The following NCR3LG1 variants were observed in gnomAD, a reference collection of about 807,000 sequenced individuals.
The protein encoded by NCR3LG1 is natural killer cell cytotoxicity receptor 3 ligand 1.
A neutral mutation model predicts 34.8 loss-of-function variants in NCR3LG1; 35 were observed. The ratio of observed to expected loss-of-function variants is 1.01; its 90% CI spans 0.77 to 1.33. The LOEUF is 1.33. Ranked by LOEUF, NCR3LG1 falls within the 40% of genes most tolerant of loss-of-function variation. The probability of loss-of-function intolerance (pLI) is 0.00; values close to 1 mark genes in which losing one functional copy is unlikely to be tolerated. For missense variants in NCR3LG1, 452 were observed against 423.3 expected (o/e 1.07, Z -0.60); for synonymous variants, 173 against 163.6 (o/e 1.06, Z -0.44).
At position 17,375,725 on chromosome 11, in the gene NCR3LG1, C is replaced by T. The variant is rs926324419; in HGVS notation, c.*3213C>T. 2.0e-5 allele frequency: 3 copies of T among 152,126 alleles called. No homozygotes were observed. The highest frequency in any genetic ancestry group is 1.9e-4 in the East Asian group (1 of 5,198). 9.4% of individuals were successfully genotyped at this position (152,126 alleles called of 1,614,324 possible). A position where few individuals can be genotyped will look rare whatever the true frequency, so the allele number is the denominator to read the frequency against. ...CATCAGAAGCGGGTAGATGAAATAGCGAAAGGAAACAGGCTAGCAGACCAA... is the reference window on the plus strand; with the variant it reads ...CATCAGAAGCGGGTAGATGAAATAGTGAAAGGAAACAGGCTAGCAGACCAA... On this transcript the variant is annotated 3_prime_UTR_variant, in exon 5 of 5. Transcript: ENST00000338965.
chr11:17,358,286 T>A (rs1309380696), intron 2 of NCR3LG1, among the ~76,000 whole-genome samples: 3 of 152,226 alleles, frequency 2.0e-5, no homozygotes, highest in Non-Finnish European at 4.4e-5. Context: ...TGCATTTAAT[T>A]GTTATATGTT....
intron 4 of NCR3LG1, 108 bp from the exon 5 acceptor site, chr11:17,371,898 G>A (rs1953409451): frequency 6.6e-6 from 4 of 607,326 alleles, no homozygotes; most frequent in South Asian, 6.0e-5. Context: ...TGAGGAAATG[G>A]GAGGGAAGAG....
intron 1 of NCR3LG1, among the ~76,000 whole-genome samples, chr11:17,355,089 A>C (rs1454619371): frequency 6.6e-6 from 1 of 152,206 alleles, no homozygotes; most frequent in African/African-American, 2.4e-5. Flanking sequence ...ACTTGCTAGC[A>C]ACCTACTGTT....
intron 2 of NCR3LG1, among the ~76,000 whole-genome samples, chr11:17,361,645 A>G (rs1162501916): frequency 1.3e-5 from 2 of 152,218 alleles, no homozygotes; most frequent in East Asian, 3.9e-4. Context: ...CTGTCAAATA[A>G]TTGATTTTTG....
chr11:17,372,077 T>C lies in NCR3LG1; in HGVS notation c.930T>C (p.Thr310=), dbSNP rs1034187891. ...TGAAACACTGGAACTCCTTTGACAC[T>C]CAGACTCTGAAGAAAGAGCACCTCA... The part of the protein sequence containing the change: ...CILKHWNSFD[T]QTLKKEHLIF... The change falls in exon 5 of 5, where the codon ACT becomes ACC. Residue 310 remains threonine (T), a synonymous_variant. Coordinates refer to ENST00000338965, the MANE Select transcript of NCR3LG1 (RefSeq NM_001202439.3). The C allele has an allele frequency of 1.4e-5, 10 of 702,830 alleles. No homozygotes were observed. Among genetic ancestry groups the C allele is most frequent in the Non-Finnish European group, 2.3e-5 (9 of 384,996 alleles). The allele number at this position is 702,830 out of a possible 1,614,324, so 43.5% of individuals were successfully genotyped here.
At chr11:17,362,337 A>G (rs1953277885) in intron 2 of NCR3LG1, among the ~76,000 whole-genome samples, 1 of 152,136 alleles carries the variant, frequency 6.6e-6, no homozygotes, top group African/African-American at 2.4e-5. Context: ...TATGGTATGT[A>G]ATTTTTTCTG....
At chr11:17,357,768 A>G (rs1457160561) in intron 2 of NCR3LG1, among the ~76,000 whole-genome samples, 1 of 152,012 alleles carries the variant, frequency 6.6e-6, no homozygotes, top group Non-Finnish European at 1.5e-5. Context: ...AGAGCATGGC[A>G]CAATCATAGC....
chr11:17,377,186 C>G lies in NCR3LG1; in HGVS notation c.*4674C>G, dbSNP rs1953485173. On this transcript the variant is annotated 3_prime_UTR_variant, in exon 5 of 5. Transcript: ENST00000338965. The stretch of plus-strand genomic sequence containing the variant: ...ATATCGTGTCCCTGGTCTTTTGAAA[C>G]TCCATTTGTCGGCCAGGTGTGGTGG... 1 of 152,026 alleles carries G rather than the reference C, an allele frequency of 6.6e-6. No homozygotes were observed. Among genetic ancestry groups the G allele is most frequent in the African/African-American group, 2.4e-5 (1 of 41,380 alleles). 9.4% of individuals were successfully genotyped at this position (152,026 alleles called of 1,614,324 possible).
downstream of NCR3LG1, among the ~76,000 whole-genome samples, chr11:17,377,915 T>C (rs1953491673): frequency 6.6e-6 from 1 of 152,186 alleles, no homozygotes; most frequent in Admixed American, 6.5e-5. Context: ...ATCATTTCCA[T>C]GCCCTCATAT....
intron 2 of NCR3LG1, among the ~76,000 whole-genome samples, chr11:17,362,813 TCTTTCTTC>T (rs1310113235): frequency 6.7e-5 from 10 of 148,876 alleles, no homozygotes; most frequent in Non-Finnish European, 1.0e-4. Flanking sequence ...TTTCTTTCTT[TCTTTCTTC>T]CTTTCTTCCT....
In NCR3LG1 at chr11:17,361,624, A is replaced by G. The variant is rs1479310139; in HGVS notation, c.421+4623A>G. ...TTTAATTTCAAATTCCAGTTGCTCAATTGTTCATTCCTGTCAAATAATTGA... is the reference window on the plus strand; with the variant it reads ...TTTAATTTCAAATTCCAGTTGCTCAGTTGTTCATTCCTGTCAAATAATTGA... On this transcript the variant is annotated intron_variant, in intron 2 of 4. Transcript: ENST00000338965. Among the ~76,000 whole-genome samples, 11 of 151,698 alleles carry G rather than the reference A, an allele frequency of 7.3e-5. No individual in the cohort carries two copies. The East Asian group carries it at 1.4e-3, about 19-fold the overall frequency.
At position 17,368,939 on chromosome 11, in the gene NCR3LG1, TA is replaced by T. The variant is rs1367946275; in HGVS notation, c.835del (p.Ile279LeufsTer3). The T allele has an allele frequency of 4.6e-6, 7 of 1,533,954 alleles. No individual in the cohort carries two copies. The highest frequency in any genetic ancestry group is 6.1e-6 in the Non-Finnish European group (7 of 1,145,098). On this transcript the variant is annotated frameshift_variant, in exon 4 of 5. Transcript: ENST00000338965. LOFTEE classifies it high-confidence loss of function. ...TTCATTGGTGTTGGACTGGTTTTAT[TA>T]ATTGTTTTGATTCCTTGGAAAAAGG... ...ISFIGVGLVLLIVLIPWKKIC... is the reference protein window; with the variant it reads ...ISFIGVGLVLXIVLIPWKKIC...
In NCR3LG1 at chr11:17,351,968, C is replaced by G. The variant is rs957947269; in HGVS notation, c.-2C>G. On this transcript the variant is annotated 5_prime_UTR_variant, in exon 1 of 5. Transcript: ENST00000338965. Reference sequence around the variant, plus strand: ...AAAAATTACACAACAGCAGCCGCGGCGATGACGTGGAGGGCTGCCGCCTCC... The same window carrying G: ...AAAAATTACACAACAGCAGCCGCGGGGATGACGTGGAGGGCTGCCGCCTCC... 8.0e-6 allele frequency: 12 copies of G among 1,509,040 alleles called. No individual in the cohort carries two copies. In the African/African-American group the frequency reaches 1.1e-4, roughly 14 times the overall value. 93.5% of individuals were successfully genotyped at this position (1,509,040 alleles called of 1,614,324 possible). A position where few individuals can be genotyped will look rare whatever the true frequency, so the allele number is the denominator to read the frequency against.
chr11:17,352,039 G>C lies in NCR3LG1; in HGVS notation c.70G>C (p.Gly24Arg), dbSNP rs1953141583. ...LILLWALTTEGDLKVEMMAGG... is the reference protein window; with the variant it reads ...LILLWALTTERDLKVEMMAGG... ...TCTGCTGTGGGCGCTGACGACCGAA[G>C]GTAGGGGGCGGCTGGGGTGGGCTGG... is the stretch of plus-strand genomic sequence containing the variant. Residue 24 changes from glycine (G) to arginine (R), a missense_variant and splice_region_variant, in exon 1 of 5, where the codon GGT becomes CGT. Coordinates refer to ENST00000338965, the MANE Select transcript of NCR3LG1 (RefSeq NM_001202439.3). The C allele has an allele frequency of 6.8e-7, 1 of 1,480,540 alleles. No individual in the cohort carries two copies. The highest frequency in any genetic ancestry group is 1.2e-5 in the South Asian group (1 of 81,852). The allele number at this position is 1,480,540 out of a possible 1,614,324, so 91.7% of individuals were successfully genotyped here. A position where few individuals can be genotyped will look rare whatever the true frequency, so the allele number is the denominator to read the frequency against.
At chr11:17,371,813 G>C (rs1311780060) in intron 4 of NCR3LG1, among the ~76,000 whole-genome samples, 193 bp from the exon 5 acceptor site, 2 of 152,192 alleles carry the variant, frequency 1.3e-5, no homozygotes, top group Admixed American at 1.3e-4. Flanking sequence ...GTGAGCACAA[G>C]CTAGCTCCTC....
rs968172337 is a variant in NCR3LG1 at position 17,362,201 on chromosome 11, A to G, written c.422-4808A>G. 2.0e-5 allele frequency among the ~76,000 whole-genome samples: 3 copies of G among 152,294 alleles called. No homozygotes were observed. In the East Asian group the frequency reaches 5.8e-4, roughly 29 times the overall value. ...ATGAATCAGTCTTGGGTTTTGTCAA[A>G]TACTTTTTCTGCATTATTGGTATGA... On this transcript the variant is annotated intron_variant, in intron 2 of 4. Transcript: ENST00000338965.
intron 2 of NCR3LG1, among the ~76,000 whole-genome samples, chr11:17,362,703 T>C (rs867228179): frequency 2.7e-3 from 25 of 9,126 alleles, no homozygotes; most frequent in Admixed American, 3.9e-3. Context: ...TTTCTTTCTT[T>C]CTTTCTTTCT....
In NCR3LG1 at chr11:17,351,963, C is replaced by G. The variant is rs541223530; in HGVS notation, c.-7C>G. ...GCGAAAAAAATTACACAACAGCAGC[C>G]GCGGCGATGACGTGGAGGGCTGCCG... is the stretch of plus-strand genomic sequence containing the variant. On this transcript the variant is annotated 5_prime_UTR_variant, in exon 1 of 5. Transcript: ENST00000338965. 6.7e-7 allele frequency: 1 copy of G among 1,483,262 alleles called. No homozygotes were observed. The highest frequency in any genetic ancestry group is 9.0e-7 in the Non-Finnish European group (1 of 1,114,496). The allele number at this position is 1,483,262 out of a possible 1,614,324, so 91.9% of individuals were successfully genotyped here.
At chr11:17,352,116 C>T in intron 1 of NCR3LG1, 77 bp downstream of exon 1, 2 of 931,050 alleles carry the variant, frequency 2.1e-6, no homozygotes, top group African/African-American at 1.7e-5. Flanking sequence ...CCCTAGCATC[C>T]CGCCAGGGGA....
Sources: allele counts gnomAD v4.1 joint callset (sites outside exome capture counted in the v4.1 genomes callset), GRCh38; gene constraint gnomAD v4.1.1; transcripts MANE v1.5; gene names NCBI Gene and HGNC (gene_info 2026-07-23, HGNC 2026-07-21).